Variants in RYR3 observed in about 807,000 individuals in gnomAD.
RYR3 encodes brain ryanodine receptor-calcium release channel.
A neutral mutation model predicts 584.3 loss-of-function variants in RYR3; 207 were observed. The ratio of observed to expected loss-of-function variants is 0.35; its 90% CI spans 0.32 to 0.40. The LOEUF is 0.40. Ranked by LOEUF, RYR3 falls within the 10% of genes least tolerant of loss-of-function variation. The probability of loss-of-function intolerance (pLI) is 1.00; values close to 1 mark genes in which losing one functional copy is unlikely to be tolerated. For missense variants in RYR3, 5,616 were observed against 6,089.2 expected (o/e 0.92, Z 2.59); for synonymous variants, 2,416 against 2,248.5 (o/e 1.07, Z -2.11).
In RYR3 at chr15:33,662,615, T is replaced by G. The variant is rs774997194; in HGVS notation, c.5085T>G (p.Ala1695=). The G allele has an allele frequency of 6.2e-7, 1 of 1,613,794 alleles. No individual in the cohort carries two copies. The highest frequency in any genetic ancestry group is 1.3e-5 in the African/African-American group (1 of 74,890). Residue 1695 remains alanine, a synonymous_variant, in exon 35 of 104, where the codon GCT becomes GCG. Transcript: ENST00000634891. The part of the protein sequence containing the change: ...EIPLESLRTK[A]LSMLTEAVQC... ...CCTTGGAGAGTCTCAGGACGAAGGC[T>G]CTGAGTATGCTGACAGAGGCAGTGC...
At chr15:33,647,988 CAAA>C (rs3085194) in intron 30 of RYR3, among the ~76,000 whole-genome samples, 221 of 98,302 alleles carry the variant, frequency 2.2e-3, no homozygotes, top group Middle Eastern at 6.6e-3. Flanking sequence ...TAGCATCTGG[CAAA>C]AAAAAAAAAA....
chr15:33,671,245 A>T (rs2063819825), intron 38 of RYR3, among the ~76,000 whole-genome samples: 1 of 152,194 alleles, frequency 6.6e-6, no homozygotes, highest in Non-Finnish European at 1.5e-5. Flanking sequence ...TCTGAGTATT[A>T]TATATAATCA....
At chr15:33,549,991 AG>A (rs1274499778) in intron 9 of RYR3, among the ~76,000 whole-genome samples, 168 bp from the exon 10 acceptor site, 1 of 152,244 alleles carries the variant, frequency 6.6e-6, no homozygotes, top group African/African-American at 2.4e-5. Flanking sequence ...GCTGGGTTGT[AG>A]GCAGACATGA....
chr15:33,348,910 CCT>C (rs1248042922), intron 1 of RYR3, among the ~76,000 whole-genome samples: 8 of 152,064 alleles, frequency 5.3e-5, no homozygotes, highest in Admixed American at 3.9e-4. Flanking sequence ...CTAAAAATCC[CCT>C]GTGTTTTATT....
chr15:33,331,559 A>G (rs939804099), intron 1 of RYR3, among the ~76,000 whole-genome samples: 1 of 152,168 alleles, frequency 6.6e-6, no homozygotes, highest in African/African-American at 2.4e-5. Context: ...AAATGTATAC[A>G]TGAAATACAT....
chr15:33,827,247 A>G lies in RYR3; in HGVS notation c.11294A>G (p.Asn3765Ser), dbSNP rs1205907576. The part of the protein sequence containing the change: ...RTQMGNTTTV[N>S]VIISTVDYLL... ...CAGATGGGCAACACCACCACCGTGA[A>G]TGTCATCATCAGCACTGTGGACTAC... Residue 3765 changes from asparagine to serine, a missense_variant, in exon 85 of 104, where the codon AAT becomes AGT. Transcript: ENST00000634891. 2 of 1,552,918 alleles carry G rather than the reference A, an allele frequency of 1.3e-6. No individual in the cohort carries two copies.
chr15:33,524,131 C>G (rs542558239), intron 3 of RYR3, among the ~76,000 whole-genome samples: 1 of 152,184 alleles, frequency 6.6e-6, no homozygotes, highest in Non-Finnish European at 1.5e-5. Flanking sequence ...CACACACATA[C>G]ACACACTATC....
chr15:33,566,181 CT>C (rs1213997670), intron 11 of RYR3, among the ~76,000 whole-genome samples: 1 of 152,228 alleles, frequency 6.6e-6, no homozygotes, highest in African/African-American at 2.4e-5. Flanking sequence ...CCTTGAGCTG[CT>C]TTCCCCAGCC....
chr15:33,772,920 A>G (rs1883262415), intron 63 of RYR3, among the ~76,000 whole-genome samples: 1 of 152,226 alleles, frequency 6.6e-6, no homozygotes, highest in African/African-American at 2.4e-5. Context: ...CGGCCTTGGT[A>G]TGAGCTCTAG....
At position 33,838,797 on chromosome 15, in the gene RYR3, G is replaced by A. The variant is rs779432701; in HGVS notation, c.12817G>A (p.Gly4273Arg). Residue 4273 changes from glycine to arginine, a missense_variant, in exon 89 of 104, where the codon GGA becomes AGA. Physicochemically the swap from Gly to Arg is moderately radical, Grantham distance 125. Transcript: ENST00000634891. ...ELVHFIKGEKGDTDIMSDLFG... is the reference protein window; with the variant it reads ...ELVHFIKGEKRDTDIMSDLFG... ...AGTACACTTCATAAAGGGGGAGAAG[G>A]GAGATACAGATATCATGTCAGACCT... is the stretch of plus-strand genomic sequence containing the variant. The A allele has an allele frequency of 1.9e-6, 3 of 1,613,862 alleles. No homozygotes were observed. The highest frequency in any genetic ancestry group is 2.2e-5 in the South Asian group (2 of 91,048).
intron 2 of RYR3, among the ~76,000 whole-genome samples, chr15:33,481,600 T>C (rs1024643098): frequency 6.6e-6 from 1 of 151,896 alleles, no homozygotes; most frequent in Non-Finnish European, 1.5e-5. Flanking sequence ...CCTGCCTCAG[T>C]CTCCCAAGTA....
intron 47 of RYR3, 61 bp downstream of exon 47, chr15:33,729,087 A>G: frequency 7.1e-7 from 1 of 1,404,678 alleles, no homozygotes; most frequent in Non-Finnish European, 9.8e-7. Context: ...GTAATGTTGG[A>G]CTTCGAAGCA....
At chr15:33,777,066 T>TA (rs1267640246) in intron 64 of RYR3, among the ~76,000 whole-genome samples, 1 of 152,252 alleles carries the variant, frequency 6.6e-6, no homozygotes, top group African/African-American at 2.4e-5. Flanking sequence ...GCACATGCCA[T>TA]AGTCCTAACT....
intron 18 of RYR3, among the ~76,000 whole-genome samples, chr15:33,610,632 A>G (rs2060135248): frequency 6.6e-6 from 1 of 152,246 alleles, no homozygotes; most frequent in Non-Finnish European, 1.5e-5. Context: ...AAAATTCACC[A>G]CTTAGTTTAG....
At chr15:33,466,698 CAG>C (rs1703860639) in intron 1 of RYR3, among the ~76,000 whole-genome samples, 2 of 152,172 alleles carry the variant, frequency 1.3e-5, no homozygotes, top group South Asian at 4.1e-4. Flanking sequence ...TAGAAGCAAA[CAG>C]GGTATCATAG....
At chr15:33,557,651 G>A (rs544796546) in intron 10 of RYR3, among the ~76,000 whole-genome samples, 2 of 152,236 alleles carry the variant, frequency 1.3e-5, no homozygotes, top group East Asian at 3.9e-4. Flanking sequence ...CCAAAGTGCT[G>A]GGATTACAGG....
chr15:33,757,668 TA>T, intron 60 of RYR3, 72 bp downstream of exon 60: 14 of 1,513,726 alleles, frequency 9.2e-6, no homozygotes, highest in Non-Finnish European at 1.3e-5. Context: ...CCCTGTGGAC[TA>T]AAAGGCGAGT....
intron 81 of RYR3, 45 bp from the exon 82 acceptor site, chr15:33,825,558 C>A: frequency 7.8e-7 from 1 of 1,278,924 alleles, no homozygotes; most frequent in Non-Finnish European, 1.1e-6. Flanking sequence ...TCTGCTTTCC[C>A]AGCGTGCGTA....
At chr15:33,432,140 G>T (rs1567223180) in intron 1 of RYR3, among the ~76,000 whole-genome samples, 3 of 152,256 alleles carry the variant, frequency 2.0e-5, no homozygotes, top group East Asian at 3.9e-4. Context: ...ATAAATATGT[G>T]TTCCCCTCAT....
Sources: allele counts gnomAD v4.1 joint callset (sites outside exome capture counted in the v4.1 genomes callset), GRCh38; gene constraint gnomAD v4.1.1; transcripts MANE v1.5; gene names NCBI Gene and HGNC (gene_info 2026-07-23, HGNC 2026-07-21).